EVC: variants seen among roughly 807,000 people sequenced by gnomAD.
EVC encodes the protein evC complex member EVC.
EVC carries 116 observed loss-of-function variants against 118.9 expected under a neutral mutation model. The observed-to-expected ratio is 0.98, with a 90% CI of 0.84 to 1.14. EVC has a LOEUF of 1.14. Among genes scored for constraint, EVC ranks in the 50% most tolerant of loss-of-function variants. EVC has a pLI of 0.00. For synonymous variants in EVC, 619 were observed against 534.7 expected (o/e 1.16, Z -2.18); for missense variants, 1,401 against 1,246.4 (o/e 1.12, Z -1.87).
chr4:5,748,631 T>C (rs1729802140), intron 8 of EVC, among the ~76,000 whole-genome samples: 1 of 118,536 alleles, frequency 8.4e-6, no homozygotes, highest in Non-Finnish European at 1.8e-5. Flanking sequence ...CATCCATCCA[T>C]CTGCCCTCCC....
intron 13 of EVC, among the ~76,000 whole-genome samples, chr4:5,796,027 A>C (rs1303687351): frequency 6.6e-6 from 1 of 151,852 alleles, no homozygotes; most frequent in Non-Finnish European, 1.5e-5. Context: ...GTGGTTCAGC[A>C]TGGATATTTT....
rs569111419 is a variant in EVC at position 5,802,946 on chromosome 4, T to G, written c.2449+852T>G. Among the ~76,000 whole-genome samples the G allele has an allele frequency of 1.2e-3, 183 of 152,216 alleles. 1 individual carries two copies. Among genetic ancestry groups the G allele is most frequent in the African/African-American group, 4.3e-3 (179 of 41,530 alleles). Reference sequence around the variant, plus strand: ...AAATCCTAATTAGACGTTCAATGATTTCGTCTGTGAGCTTCCTGGTGGTGA... The same window carrying G: ...AAATCCTAATTAGACGTTCAATGATGTCGTCTGTGAGCTTCCTGGTGGTGA... On this transcript the variant is annotated intron_variant, in intron 16 of 20. Coordinates refer to ENST00000264956, the MANE Select transcript of EVC (RefSeq NM_153717.3).
At position 5,731,398 on chromosome 4, in the gene EVC, T is replaced by TCTG; in HGVS notation, c.385-27_385-26insCTG. 1 of 1,542,768 alleles carries TCTG rather than the reference T, an allele frequency of 6.5e-7. No individual in the cohort carries two copies. The highest frequency in any genetic ancestry group is 1.4e-5 in the African/African-American group (1 of 73,446). On this transcript the variant is annotated intron_variant, in intron 3 of 20. Transcript: ENST00000264956. This position sits in a 1 kb window ranked among gnomAD's most constrained non-coding sequence, Gnocchi z 5.6. ...CAAATCCCAGAGGCATCACATGGAC[T>TCTG]GAGTGTGACTCCTACTGCCACCCCA...
rs1733402589 is a variant in EVC, at chr4:5,768,581, G to T, written c.1563+12219G>T. On this transcript the variant is annotated intron_variant, in intron 11 of 20. Transcript: ENST00000264956. ...ATACTCAAAATGTATTCTCGGCTGG[G>T]CACAGTGGCTCACACCTGTGATCCC... is the stretch of plus-strand genomic sequence containing the variant. Among the ~76,000 whole-genome samples, 9 of 152,244 alleles carry T rather than the reference G, an allele frequency of 5.9e-5. No homozygotes were observed. The South Asian group carries it at 1.9e-3, about 32-fold the overall frequency.
intron 2 of EVC, among the ~76,000 whole-genome samples, chr4:5,724,126 C>A (rs1725420441): frequency 6.6e-6 from 1 of 152,230 alleles, no homozygotes; most frequent in Non-Finnish European, 1.5e-5. Context: ...TAGTCCCCAC[C>A]TCCCCAAGCT....
At chr4:5,822,329 T>C in the EVC span, among the ~76,000 whole-genome samples, 2 of 152,148 alleles carry the variant, frequency 1.3e-5, no homozygotes, top group Non-Finnish European at 1.5e-5. Flanking sequence ...CCAAACTGGT[T>C]GGTTTTCAAA....
intron 15 of EVC, among the ~76,000 whole-genome samples, chr4:5,800,238 G>A (rs796956107): frequency 4.6e-5 from 7 of 152,216 alleles, no homozygotes; most frequent in African/African-American, 1.4e-4. Context: ...CCAGCTACTC[G>A]GGAGGCTGAG....
At chr4:5,821,913 T>C in the EVC span, 2 of 1,453,268 alleles carry the variant, frequency 1.4e-6, no homozygotes, top group East Asian at 2.4e-5. The surrounding 1 kb of genome is among the most constrained non-coding windows in gnomAD (Gnocchi z 4.4). Flanking sequence ...ACGCTGCTCC[T>C]GGAGGCCATG....
At chr4:5,729,565 C>T (rs1025485105) in intron 3 of EVC, among the ~76,000 whole-genome samples, 175 bp downstream of exon 3, 2 of 152,104 alleles carry the variant, frequency 1.3e-5, no homozygotes, top group Admixed American at 6.6e-5. Context: ...CCATGGTAAC[C>T]ACGGTACGGA....
chr4:5,801,166 CACA>C (rs1714900759), intron 15 of EVC, among the ~76,000 whole-genome samples: 1 of 152,156 alleles, frequency 6.6e-6, no homozygotes. Context: ...TACCCCATAC[CACA>C]AGAAATGGGG....
chr4:5,783,116 A>T (rs951509107), intron 11 of EVC, among the ~76,000 whole-genome samples: 4 of 151,840 alleles, frequency 2.6e-5, no homozygotes, highest in African/African-American at 7.3e-5. Context: ...GAGTGTGTCT[A>T]TGTGTGCAAG....
chr4:5,768,595 A>T (rs1398059101), intron 11 of EVC, among the ~76,000 whole-genome samples: 2 of 152,096 alleles, frequency 1.3e-5, no homozygotes, highest in African/African-American at 4.8e-5. Flanking sequence ...AGTGGCTCAC[A>T]CCTGTGATCC....
At chr4:5,815,810 A>T (rs1313368952), downstream of EVC, among the ~76,000 whole-genome samples, 1 of 152,174 alleles carries the variant, frequency 6.6e-6, no homozygotes, top group Non-Finnish European at 1.5e-5. Context: ...AATGTACACC[A>T]TTGACCGGCC....
At chr4:5,759,618 A>T (rs890799951) in intron 11 of EVC, among the ~76,000 whole-genome samples, 14 of 152,192 alleles carry the variant, frequency 9.2e-5, no homozygotes, top group African/African-American at 3.1e-4. Context: ...TCAGAATGTC[A>T]TCAAGATTAA....
Position 5,756,415 on chromosome 4 carries a change from C to G in EVC, c.1563+53C>G. On this transcript the variant is annotated intron_variant, in intron 11 of 20. Transcript: ENST00000264956. This position sits in a 1 kb window ranked among gnomAD's most constrained non-coding sequence, Gnocchi z 4.2. ...AGAAGCCCCAGGGTCTGTGTGTGTG[C>G]GAGAACCTCACATCCTCCTGGCTGG... 2 of 1,459,412 alleles carry G rather than the reference C, an allele frequency of 1.4e-6. No homozygotes were observed. The highest frequency in any genetic ancestry group is 1.9e-6 in the Non-Finnish European group (2 of 1,057,786). 90.4% of individuals were successfully genotyped at this position (1,459,412 alleles called of 1,614,324 possible). A position where few individuals can be genotyped will look rare whatever the true frequency, so the allele number is the denominator to read the frequency against.
At chr4:5,767,750 T>A (rs1733168614) in intron 11 of EVC, among the ~76,000 whole-genome samples, 3 of 152,200 alleles carry the variant, frequency 2.0e-5, no homozygotes, top group African/African-American at 7.2e-5. Context: ...TGCCTCGCCC[T>A]GCTTCGGCTA....
chr4:5,719,510 C>A lies in EVC; in HGVS notation c.300+137C>A. Reference sequence around the variant, plus strand: ...GGCTGCTTTTCTGAGGCATAATTTACATACAGTCAAATGCGCAGACTTTAG... The same window carrying A: ...GGCTGCTTTTCTGAGGCATAATTTAAATACAGTCAAATGCGCAGACTTTAG... On this transcript the variant is annotated intron_variant, in intron 2 of 20. Transcript: ENST00000264956. The surrounding 1 kb of genome is among the most constrained non-coding windows in gnomAD (Gnocchi z 4.7). 7.8e-7 allele frequency: 1 copy of A among 1,286,674 alleles called. No homozygotes were observed. The highest frequency in any genetic ancestry group is 1.1e-6 in the Non-Finnish European group (1 of 894,616). 79.7% of individuals were successfully genotyped at this position (1,286,674 alleles called of 1,614,324 possible). A position where few individuals can be genotyped will look rare whatever the true frequency, so the allele number is the denominator to read the frequency against.
chr4:5,753,091 G>T (rs996516979), intron 9 of EVC, 39 bp downstream of exon 9: 17 of 1,531,660 alleles, frequency 1.1e-5, no homozygotes, highest in Non-Finnish European at 1.5e-5. Flanking sequence ...CACAACACTG[G>T]CCTTCTGGGT....
rs71599840 is a variant in EVC at position 5,811,959 on chromosome 4, G to A, written c.*922G>A. The A allele has an allele frequency of 7.4e-3, 835 of 113,388 alleles. 4 individuals are homozygous for A. The highest frequency in any genetic ancestry group is 0.01 in the Admixed American group (99 of 9,690). The allele number at this position is 113,388 out of a possible 1,614,324, so 7.0% of individuals were successfully genotyped here. On this transcript the variant is annotated 3_prime_UTR_variant, in exon 21 of 21. Coordinates refer to ENST00000264956, the MANE Select transcript of EVC (RefSeq NM_153717.3). ...AGGCCTTTCCCGCCTGGAAACTTCC[G>A]GACAAGCCTCTCACACACCACAGCC...
Sources: gnomAD v4.1 joint callset for allele counts (sites outside exome capture counted in the v4.1 genomes callset) on GRCh38, gnomAD v4.1.1 for gene constraint, Gnocchi (gnomAD v3.1) non-coding constraint, MANE v1.5 for transcripts, NCBI Gene and HGNC (gene_info 2026-07-23, HGNC 2026-07-21) for gene names.